CDK14: variants seen among roughly 807,000 people sequenced by gnomAD.
CDK14 encodes cyclin-dependent kinase 14.
CDK14 carries 34 observed loss-of-function variants against 60.7 expected under a neutral mutation model. The ratio of observed to expected loss-of-function variants is 0.56; its 90% CI spans 0.43 to 0.75. The LOEUF is 0.75. Among genes scored for constraint, CDK14 ranks in the 30% least tolerant of loss-of-function variants. CDK14 has a pLI of 0.00. For synonymous variants in CDK14, 197 were observed against 203.7 expected, an observed-to-expected ratio of 0.97 and a Z score of 0.28; for missense variants, 482 against 564.1, an observed-to-expected ratio of 0.85 and a Z score of 1.47.
rs1802087729 is a variant in CDK14, at chr7:90,712,199, A to G, written c.124-14368A>G. Among the ~76,000 whole-genome samples the G allele has an allele frequency of 2.0e-5, 3 of 151,756 alleles. No homozygotes were observed. In the South Asian group the frequency reaches 6.2e-4, roughly 31 times the overall value. On this transcript the variant is annotated intron_variant, in intron 2 of 14. Coordinates refer to ENST00000380050, the MANE Select transcript of CDK14 (RefSeq NM_001287135.2). ...TAAGTTTATAATTCAGTGGCATTAGATATATTCACAGTGTTTTCAACCATC... is the reference window on the plus strand; with the variant it reads ...TAAGTTTATAATTCAGTGGCATTAGGTATATTCACAGTGTTTTCAACCATC...
At chr7:90,637,453 G>A (rs1474541993) in intron 2 of CDK14, among the ~76,000 whole-genome samples, 1 of 151,996 alleles carries the variant, frequency 6.6e-6, no homozygotes, top group East Asian at 1.9e-4. Flanking sequence ...TTTTGAGTGA[G>A]TTTCTTAATC....
chr7:90,928,602 A>G (rs1793495304), intron 8 of CDK14, among the ~76,000 whole-genome samples: 1 of 152,162 alleles, frequency 6.6e-6, no homozygotes, highest in Non-Finnish European at 1.5e-5. Flanking sequence ...TCAGAGGGGT[A>G]CCTGGCTGTA....
chr7:90,863,616 GT>G (rs1420683381), intron 6 of CDK14, among the ~76,000 whole-genome samples: 2 of 150,416 alleles, frequency 1.3e-5, no homozygotes, highest in Admixed American at 6.6e-5. Flanking sequence ...AATAAGAATG[GT>G]TTTTTATTTT....
chr7:91,093,433 GA>G (rs1798890619), intron 12 of CDK14, among the ~76,000 whole-genome samples: 1 of 152,200 alleles, frequency 6.6e-6, no homozygotes, highest in South Asian at 2.1e-4. Flanking sequence ...GAGTGGGCCT[GA>G]AGGGGAGATT....
At chr7:90,690,381 C>A (rs943213329) in intron 2 of CDK14, among the ~76,000 whole-genome samples, 4 of 152,090 alleles carry the variant, frequency 2.6e-5, no homozygotes, top group African/African-American at 7.2e-5. Flanking sequence ...GGTTTCACAT[C>A]TGTAAAATGG....
chr7:90,636,273 G>T (rs1800146272), intron 2 of CDK14, among the ~76,000 whole-genome samples: 2 of 152,278 alleles, frequency 1.3e-5, no homozygotes, highest in South Asian at 4.1e-4. Context: ...CTGTGGGTTT[G>T]TCATAGATAG....
chr7:91,140,231 CTAAA>C (rs1217980874), intron 14 of CDK14, among the ~76,000 whole-genome samples: 11 of 152,102 alleles, frequency 7.2e-5, no homozygotes, highest in Admixed American at 1.3e-4. Flanking sequence ...AGAACAAAGA[CTAAA>C]TAAGAAAACA....
intron 14 of CDK14, among the ~76,000 whole-genome samples, chr7:91,143,176 C>T (rs2115630121): frequency 6.6e-6 from 1 of 152,100 alleles, no homozygotes. Flanking sequence ...GGAAGGGGCA[C>T]CTAAAACCAC....
At chr7:91,116,505 C>T (rs1470861653) in intron 13 of CDK14, among the ~76,000 whole-genome samples, 1 of 152,206 alleles carries the variant, frequency 6.6e-6, no homozygotes, top group Non-Finnish European at 1.5e-5. Flanking sequence ...GATTTTCCCA[C>T]ATATTCCTGT....
chr7:91,124,461 A>G (rs1342829679), intron 14 of CDK14, among the ~76,000 whole-genome samples: 1 of 148,514 alleles, frequency 6.7e-6, no homozygotes, highest in Non-Finnish European at 1.5e-5. Flanking sequence ...AATAATTTAG[A>G]GTGATTTTTT....
At chr7:90,905,562 T>C (rs1448803120) in intron 7 of CDK14, among the ~76,000 whole-genome samples, 1 of 152,186 alleles carries the variant, frequency 6.6e-6, no homozygotes, top group East Asian at 1.9e-4. Context: ...GTGATAATGC[T>C]GTAGCCAAGC....
chr7:90,687,575 A>T (rs557093485), intron 2 of CDK14, among the ~76,000 whole-genome samples: 11 of 152,262 alleles, frequency 7.2e-5, no homozygotes, highest in African/African-American at 2.6e-4. Flanking sequence ...GGATCTAGAT[A>T]CATATTAATG....
chr7:91,062,695 G>A (rs1178528510), intron 11 of CDK14, among the ~76,000 whole-genome samples: 1 of 152,118 alleles, frequency 6.6e-6, no homozygotes, highest in Non-Finnish European at 1.5e-5. Context: ...TCTCACTAGG[G>A]AAGGTAGACA....
At chr7:91,097,819 T>C (rs902280560) in intron 12 of CDK14, among the ~76,000 whole-genome samples, 1 of 152,172 alleles carries the variant, frequency 6.6e-6, no homozygotes, top group Non-Finnish European at 1.5e-5. Context: ...AAAACATCGC[T>C]AGCACGTAGT....
In CDK14 at chr7:91,016,160, C is replaced by G. The variant is rs74732399; in HGVS notation, c.1042-29737C>G. Among the ~76,000 whole-genome samples the G allele has an allele frequency of 8.8e-3, 1,340 of 152,256 alleles. 25 individuals carry two copies. Among genetic ancestry groups the G allele is most frequent in the African/African-American group, 0.03 (1,257 of 41,546 alleles). On this transcript the variant is annotated intron_variant, in intron 10 of 14. Transcript: ENST00000380050. ...AGAAAAGCAGCCCTACAACCAGTAT[C>G]TACCTTCAGAACAATGCCTGTAGGT...
chr7:90,799,663 C>A (rs979061853), intron 5 of CDK14, among the ~76,000 whole-genome samples: 1 of 131,944 alleles, frequency 7.6e-6, no homozygotes, highest in African/African-American at 3.0e-5. Context: ...GCGCTCCAGC[C>A]TGGGTGACAA....
chr7:90,756,703 A>G (rs1171287459), intron 4 of CDK14, among the ~76,000 whole-genome samples: 1 of 152,198 alleles, frequency 6.6e-6, no homozygotes, highest in East Asian at 1.9e-4. Context: ...CTATAGTGCT[A>G]TATAATTTAA....
intron 2 of CDK14, among the ~76,000 whole-genome samples, chr7:90,647,853 A>T (rs1297100451): frequency 6.6e-6 from 1 of 152,146 alleles, no homozygotes; most frequent in Non-Finnish European, 1.5e-5. Flanking sequence ...GAGATCCTGT[A>T]TTAAAAAAAT....
chr7:90,607,060 A>G (rs1799432757), intron 2 of CDK14, among the ~76,000 whole-genome samples: 1 of 152,240 alleles, frequency 6.6e-6, no homozygotes, highest in South Asian at 2.1e-4. Flanking sequence ...CACATCTTAC[A>G]CATGAGGTGA....
Sources: gnomAD v4.1 joint callset for allele counts (sites outside exome capture counted in the v4.1 genomes callset) on GRCh38, gnomAD v4.1.1 for gene constraint, MANE v1.5 for transcripts, NCBI Gene and HGNC (gene_info 2026-07-23, HGNC 2026-07-21) for gene names.